The following TMPRSS15 variants were observed in gnomAD, a reference collection of about 807,000 sequenced individuals.
The protein encoded by TMPRSS15 is enteropeptidase.
In TMPRSS15, 128 loss-of-function variants were observed where a neutral mutation model predicts 125.3. That is an observed-to-expected ratio of 1.02 (90% CI 0.89 to 1.18). The LOEUF is 1.18. Among genes scored for constraint, TMPRSS15 ranks in the 50% most tolerant of loss-of-function variants. The pLI is 0.00. For synonymous variants in TMPRSS15, 446 were observed against 423.2 expected (o/e 1.05, Z -0.66); for missense variants, 1,283 against 1,212.7 (o/e 1.06, Z -0.86).
intron 1 of TMPRSS15, among the ~76,000 whole-genome samples, chr21:18,441,080 G>A (rs1156645716): frequency 6.6e-6 from 1 of 150,418 alleles, no homozygotes; most frequent in Non-Finnish European, 1.5e-5. Flanking sequence ...ATCACCTGAG[G>A]TCAGGAGTTC....
At chr21:18,270,758 G>A (rs1434908192) in intron 24 of TMPRSS15, among the ~76,000 whole-genome samples, 1 of 152,106 alleles carries the variant, frequency 6.6e-6, no homozygotes, top group Non-Finnish European at 1.5e-5. Context: ...AATCACAGCA[G>A]ATCCTAGTAA....
intron 1 of TMPRSS15, among the ~76,000 whole-genome samples, chr21:18,427,113 C>G (rs1229984192): frequency 2.0e-5 from 3 of 152,186 alleles, no homozygotes; most frequent in Non-Finnish European, 4.4e-5. Context: ...ATGATTGGCT[C>G]TAGGCATCAA....
At chr21:18,401,266 A>C (rs1264403620) in intron 1 of TMPRSS15, among the ~76,000 whole-genome samples, 1 of 152,202 alleles carries the variant, frequency 6.6e-6, no homozygotes, top group Non-Finnish European at 1.5e-5. Flanking sequence ...TCTACCAAAC[A>C]GACACACGCA....
At chr21:18,323,319 G>T (rs1410254741) in intron 16 of TMPRSS15, among the ~76,000 whole-genome samples, 1 of 152,288 alleles carries the variant, frequency 6.6e-6, no homozygotes, top group East Asian at 1.9e-4. Flanking sequence ...CCACAGGGCT[G>T]GGAGAGCTTC....
intron 1 of TMPRSS15, among the ~76,000 whole-genome samples, chr21:18,398,643 C>A (rs1048819939): frequency 3.9e-5 from 6 of 152,024 alleles, no homozygotes; most frequent in Non-Finnish European, 5.9e-5. Flanking sequence ...TTGGAAGATA[C>A]ACGGACTGAT....
rs41421549 is a variant in TMPRSS15, at chr21:18,380,579, A to G, written c.497-1261T>C. ...GGGCTTACTGTAGAAAAATTCTCCA[A>G]AGATGCTGGAATAACGTAAAGTTGA... On this transcript the variant is annotated intron_variant, in intron 4 of 24. Transcript: ENST00000284885. The G allele has an allele frequency of 7.5e-3, 3,510 of 470,784 alleles. 102 individuals are homozygous for G. Among genetic ancestry groups the G allele is most frequent in the African/African-American group, 0.064 (3,205 of 50,142 alleles). The allele number at this position is 470,784 out of a possible 1,614,324, so 29.2% of individuals were successfully genotyped here.
intron 1 of TMPRSS15, among the ~76,000 whole-genome samples, chr21:18,414,007 A>G (rs1476272592): frequency 1.3e-5 from 2 of 152,208 alleles, no homozygotes; most frequent in Non-Finnish European, 2.9e-5. Flanking sequence ...TTTAGCTATA[A>G]TATTTTAATG....
At chr21:18,275,517 T>C (rs948089236) in intron 23 of TMPRSS15, among the ~76,000 whole-genome samples, 181 bp from the exon 24 acceptor site, 1 of 152,228 alleles carries the variant, frequency 6.6e-6, no homozygotes, top group Non-Finnish European at 1.5e-5. Flanking sequence ...CATCTGTGGA[T>C]TGTGCCAAAT....
chr21:18,348,125 C>T (rs924667624), intron 10 of TMPRSS15, among the ~76,000 whole-genome samples: 2 of 152,096 alleles, frequency 1.3e-5, no homozygotes, highest in African/African-American at 4.8e-5. Flanking sequence ...TTTGAGGCTG[C>T]AGTGAGTTAT....
intron 1 of TMPRSS15, among the ~76,000 whole-genome samples, chr21:18,473,645 A>G (rs1978821569): frequency 6.6e-6 from 1 of 152,142 alleles, no homozygotes. Context: ...TTCTTATAGC[A>G]GCTCTAGGGA....
At position 18,353,718 on chromosome 21, in the gene TMPRSS15, C is replaced by T; in HGVS notation, c.1021+5G>A. ...TTAAAAAGCCAAAAAATAAATAATA[C>T]TTACTATTAAGCTCACTGCTGTTAA... On this transcript the variant is annotated splice_donor_5th_base_variant and intron_variant, in intron 9 of 24. Transcript: ENST00000284885. 6.2e-7 allele frequency: 1 copy of T among 1,607,484 alleles called. No individual in the cohort carries two copies. Among genetic ancestry groups the T allele is most frequent in the African/African-American group, 1.3e-5 (1 of 74,716 alleles).
intron 1 of TMPRSS15, among the ~76,000 whole-genome samples, chr21:18,413,803 C>A (rs139769876): frequency 0.023 from 3,454 of 152,060 alleles, 98 homozygotes; most frequent in African/African-American, 0.069. Flanking sequence ...TCATAGCTCA[C>A]TGCAGCCTCA....
intron 15 of TMPRSS15, among the ~76,000 whole-genome samples, chr21:18,327,658 T>G (rs1385385566): frequency 6.6e-6 from 1 of 152,198 alleles, no homozygotes; most frequent in South Asian, 2.1e-4. Context: ...GTATCCTGAC[T>G]GCATATCTAT....
chr21:18,300,116 T>TCGTCTCTTGGATATATCCCC (rs1555893931), intron 18 of TMPRSS15, among the ~76,000 whole-genome samples: 1 of 151,700 alleles, frequency 6.6e-6, no homozygotes, highest in Non-Finnish European at 1.5e-5. Flanking sequence ...TATCTATAGC[T>TCGTCTCTTGGATATATCCCC]CGTCTCTTGG....
chr21:18,397,580 CT>C (rs889141157), intron 3 of TMPRSS15, among the ~76,000 whole-genome samples: 1 of 152,020 alleles, frequency 6.6e-6, no homozygotes, highest in East Asian at 1.9e-4. Context: ...GACAAGCAAG[CT>C]TTTTCCAAAT....
chr21:18,352,096 A>G (rs765533474), intron 10 of TMPRSS15, among the ~76,000 whole-genome samples: 2 of 151,992 alleles, frequency 1.3e-5, no homozygotes, highest in Non-Finnish European at 2.9e-5. Context: ...TTTTCCTTAT[A>G]CATTCCTTCT....
At chr21:18,313,575 T>A (rs2075125367) in intron 17 of TMPRSS15, among the ~76,000 whole-genome samples, 1 of 151,828 alleles carries the variant, frequency 6.6e-6, no homozygotes, top group Non-Finnish European at 1.5e-5. Context: ...TGACCTAAAT[T>A]GATAGGAGTA....
At chr21:18,283,716 A>T (rs2074730276) in intron 21 of TMPRSS15, among the ~76,000 whole-genome samples, 1 of 152,154 alleles carries the variant, frequency 6.6e-6, no homozygotes, top group African/African-American at 2.4e-5. Flanking sequence ...AGAATTTTTC[A>T]TATAGAAGTT....
In TMPRSS15 at chr21:18,294,311, G is replaced by C. The variant is rs753392665; in HGVS notation, c.2445C>G (p.Val815=). The C allele has an allele frequency of 6.8e-6, 11 of 1,614,100 alleles. No homozygotes were observed. The highest frequency in any genetic ancestry group is 1.3e-5 in the African/African-American group (1 of 74,938). ...GGRLLCGASL[V]SSDWLVSAAH... ...CGGCGGACACCAGCCAGTCACTGCT[G>C]ACGAGAGATGCGCCGCAGAGCAGTC... Residue 815 remains valine (V), a synonymous_variant, in exon 21 of 25, where the codon GTC becomes GTG. Coordinates refer to ENST00000284885, the MANE Select transcript of TMPRSS15 (RefSeq NM_002772.3).
Sources: gnomAD v4.1 joint callset for allele counts (sites outside exome capture counted in the v4.1 genomes callset) on GRCh38, gnomAD v4.1.1 for gene constraint, MANE v1.5 for transcripts, NCBI Gene and HGNC (gene_info 2026-07-23, HGNC 2026-07-21) for gene names.